MYO16: variants seen among roughly 807,000 people sequenced by gnomAD.
MYO16 encodes unconventional myosin-XVI.
Under a neutral mutation model 205.3 loss-of-function variants are expected in MYO16, and 94 were observed. The observed-to-expected ratio is 0.46, with a 90% CI of 0.39 to 0.54. The LOEUF (loss-of-function observed/expected upper bound fraction) is 0.54, where lower values mean the gene tolerates loss of function less well. MYO16 is among the 20% of genes least tolerant of loss of function. MYO16 has a pLI of 0.00. For missense variants in MYO16, 2,315 were observed against 2,387.5 expected, an observed-to-expected ratio of 0.97 and a Z score of 0.63; for synonymous variants, 988 against 954.0, an observed-to-expected ratio of 1.04 and a Z score of -0.66.
chr13:108,571,525 TAAAATGTC>T, the MYO16 span, among the ~76,000 whole-genome samples: 2 of 152,246 alleles, frequency 1.3e-5, no homozygotes, highest in East Asian at 3.9e-4. Flanking sequence ...ATGTATTTTT[TAAAATGTC>T]AAATGTGGCA....
At chr13:108,687,118 A>T (rs533274456) in intron 2 of MYO16, among the ~76,000 whole-genome samples, 1 of 152,360 alleles carries the variant, frequency 6.6e-6, no homozygotes, top group Non-Finnish European at 1.5e-5. Flanking sequence ...ACATATAATG[A>T]CTGATTCCAC....
chr13:108,574,317 G>A, the MYO16 span, among the ~76,000 whole-genome samples: 1 of 152,154 alleles, frequency 6.6e-6, no homozygotes, highest in Non-Finnish European at 1.5e-5. Context: ...GTTATATGAA[G>A]CAAGGAAATG....
At chr13:109,054,756 CTG>C (rs1887357568) in intron 25 of MYO16, among the ~76,000 whole-genome samples, 1 of 152,118 alleles carries the variant, frequency 6.6e-6, no homozygotes, top group Admixed American at 6.6e-5. Flanking sequence ...TTTGTACGAA[CTG>C]TGTTTTAAAT....
chr13:108,729,249 A>G (rs1884442311), intron 4 of MYO16, among the ~76,000 whole-genome samples: 1 of 152,162 alleles, frequency 6.6e-6, no homozygotes, highest in African/African-American at 2.4e-5. Flanking sequence ...ATTTCTCCAG[A>G]ATTGAAAAAA....
intron 6 of MYO16, among the ~76,000 whole-genome samples, chr13:108,796,660 C>G (rs891718624): frequency 6.6e-6 from 1 of 151,474 alleles, no homozygotes; most frequent in African/African-American, 2.4e-5. Flanking sequence ...AGCAAACTAT[C>G]GCAAGGACAA....
the MYO16 span, among the ~76,000 whole-genome samples, chr13:108,561,199 G>A: frequency 6.6e-6 from 1 of 152,180 alleles, no homozygotes; most frequent in Non-Finnish European, 1.5e-5. Context: ...CATTGATCAG[G>A]TATAATCAGT....
intron 23 of MYO16, among the ~76,000 whole-genome samples, chr13:109,022,637 A>G (rs1886106885): frequency 7.3e-6 from 1 of 136,408 alleles, no homozygotes. Flanking sequence ...TATTATATAT[A>G]TGCATATAAA....
Position 108,652,364 on chromosome 13 carries a change from T to C in MYO16, c.29-13522T>C, listed in dbSNP as rs567369474. Among the ~76,000 whole-genome samples the C allele has an allele frequency of 3.9e-5, 6 of 152,378 alleles. 1 individual carries two copies. The South Asian group carries it at 1.2e-3, about 32-fold the overall frequency. ...ATGTATATATGTTTTTAAAGCCCCATAATCTAGCTGCTTGTGTCTTATCAC... is the reference window on the plus strand; with the variant it reads ...ATGTATATATGTTTTTAAAGCCCCACAATCTAGCTGCTTGTGTCTTATCAC... On this transcript the variant is annotated intron_variant, in intron 1 of 34. Coordinates refer to ENST00000457511, the MANE Select transcript of MYO16 (RefSeq NM_001198950.3).
At chr13:108,865,226 G>A (rs1279264594) in intron 11 of MYO16, among the ~76,000 whole-genome samples, 1 of 151,966 alleles carries the variant, frequency 6.6e-6, no homozygotes, top group East Asian at 1.9e-4. Context: ...TTAAAATTTT[G>A]TCTGCTTGTT....
At chr13:108,949,292 A>G (rs771495775) in intron 16 of MYO16, among the ~76,000 whole-genome samples, 2 of 152,216 alleles carry the variant, frequency 1.3e-5, no homozygotes, top group Non-Finnish European at 2.9e-5. Context: ...CGAAGAACCA[A>G]GGAGCTTAAA....
the MYO16 span, among the ~76,000 whole-genome samples, chr13:108,548,711 A>G: frequency 6.6e-6 from 1 of 152,148 alleles, no homozygotes; most frequent in South Asian, 2.1e-4. Context: ...TATGATGATG[A>G]ATGGTGATGA....
intron 28 of MYO16, among the ~76,000 whole-genome samples, chr13:109,116,825 GT>G (rs1875714453): frequency 1.3e-5 from 2 of 152,112 alleles, no homozygotes; most frequent in African/African-American, 4.8e-5. Context: ...AAGGAGCAGG[GT>G]TGGCAACTGA....
intron 2 of MYO16, among the ~76,000 whole-genome samples, chr13:108,685,307 C>A (rs887397142): frequency 1.3e-5 from 2 of 152,108 alleles, no homozygotes; most frequent in African/African-American, 2.4e-5. Context: ...AGGTGTGAGC[C>A]ACTGCACCCA....
chr13:109,018,974 G>GT (rs1555324514), intron 22 of MYO16, among the ~76,000 whole-genome samples: 3,243 of 131,488 alleles, frequency 0.025, 94 homozygotes, highest in African/African-American at 0.078. Context: ...TTTTTTTTTT[G>GT]TTTTTTTTTT....
At chr13:108,621,500 T>C (rs1390637355) in intron 1 of MYO16, among the ~76,000 whole-genome samples, 1 of 152,182 alleles carries the variant, frequency 6.6e-6, no homozygotes, top group African/African-American at 2.4e-5. Flanking sequence ...CATGATGAAG[T>C]CTCATGCCAT....
chr13:108,673,796 G>A (rs1882091578), intron 2 of MYO16, among the ~76,000 whole-genome samples: 1 of 152,038 alleles, frequency 6.6e-6, no homozygotes, highest in Non-Finnish European at 1.5e-5. Flanking sequence ...TGATGATGTT[G>A]CCTTTATTAA....
intron 34 of MYO16, among the ~76,000 whole-genome samples, chr13:109,187,343 T>C (rs1464928146): frequency 1.3e-5 from 2 of 152,212 alleles, no homozygotes; most frequent in Admixed American, 6.5e-5. Context: ...TTGATTTCAT[T>C]GATTTTCTCT....
intron 3 of MYO16, among the ~76,000 whole-genome samples, chr13:108,720,497 AC>A (rs1186899094): frequency 6.6e-6 from 1 of 152,214 alleles, no homozygotes; most frequent in Non-Finnish European, 1.5e-5. Flanking sequence ...TAGGACAAAA[AC>A]ATGGACTATA....
chr13:109,108,058 A>G (rs992912266), intron 28 of MYO16, among the ~76,000 whole-genome samples: 2 of 152,182 alleles, frequency 1.3e-5, no homozygotes, highest in Non-Finnish European at 2.9e-5. Context: ...GTGCGTATTC[A>G]TTCACTTTGT....
Sources: gnomAD v4.1 joint callset for allele counts (sites outside exome capture counted in the v4.1 genomes callset) on GRCh38, gnomAD v4.1.1 for gene constraint, MANE v1.5 for transcripts, NCBI Gene and HGNC (gene_info 2026-07-23, HGNC 2026-07-21) for gene names.